DERPC: variants seen among roughly 807,000 people sequenced by gnomAD.
The protein encoded by DERPC is DERPC proline and glycine rich nuclear protein.
DERPC carries 1 observed loss-of-function variant against 7.2 expected under a neutral mutation model. The observed-to-expected ratio is 0.14, with a 90% CI of 0.05 to 0.66. The LOEUF is 0.66. Among genes scored for constraint, DERPC ranks in the 30% least tolerant of loss-of-function variants. DERPC has a pLI of 0.84. For missense variants in DERPC, 502 were observed against 299.4 expected, an observed-to-expected ratio of 1.68 and a Z score of -4.99; for synonymous variants, 185 against 117.6, an observed-to-expected ratio of 1.57 and a Z score of -3.71.
Position 69,118,720 on chromosome 16 carries a change from G to A in DERPC, c.*134C>T, listed in dbSNP as rs996353940. The A allele has an allele frequency of 2.0e-5, 13 of 645,012 alleles. No homozygotes were observed. Among genetic ancestry groups the A allele is most frequent in the African/African-American group, 3.6e-5 (2 of 55,116 alleles). 40.0% of individuals were successfully genotyped at this position (645,012 alleles called of 1,614,324 possible). ...AGTCAAGAAAAACGCAAAGGAAAAA[G>A]ATGGCTCATTTGAACTTGAGCCCAA... On this transcript the variant is annotated 3_prime_UTR_variant, in exon 3 of 3. Coordinates refer to ENST00000519520, the MANE Select transcript of DERPC (RefSeq NM_001002847.4).
At chr16:69,131,710 G>A (rs976566801) in intron 1 of DERPC, among the ~76,000 whole-genome samples, 17 of 150,084 alleles carry the variant, frequency 1.1e-4, no homozygotes, top group African/African-American at 4.2e-4. Flanking sequence ...CCACTGGAGT[G>A]GTCTTCCAAA....
intron 1 of DERPC, among the ~76,000 whole-genome samples, chr16:69,126,846 C>A (rs1479382919): frequency 1.3e-5 from 2 of 152,210 alleles, no homozygotes; most frequent in African/African-American, 4.8e-5. Flanking sequence ...CTACTCCACA[C>A]AACTGTTTCT....
chr16:69,118,429 C>G lies in DERPC; in HGVS notation c.*425G>C. ...AGGTCAGAGCTACGGAAGCATGGTC[C>G]GTTCACCAACGCCACGTTTCTAGAG... On this transcript the variant is annotated 3_prime_UTR_variant, in exon 3 of 3. Transcript: ENST00000519520. The G allele has an allele frequency of 6.2e-7, 1 of 1,612,042 alleles. No homozygotes were observed.
At chr16:69,128,748 C>T in intron 1 of DERPC, among the ~76,000 whole-genome samples, 1 of 152,004 alleles carries the variant, frequency 6.6e-6, no homozygotes, top group East Asian at 1.9e-4. Flanking sequence ...GCTTCTCTCT[C>T]TCTTTTGAAA....
chr16:69,120,907 A>G lies in DERPC; in HGVS notation c.-221-258T>C, dbSNP rs1299900885. 2 of 810,080 alleles carry G rather than the reference A, an allele frequency of 2.5e-6. No individual in the cohort carries two copies. The highest frequency in any genetic ancestry group is 1.7e-5 in the African/African-American group (1 of 59,606). 50.2% of individuals were successfully genotyped at this position (810,080 alleles called of 1,614,324 possible). On this transcript the variant is annotated intron_variant, in intron 2 of 2. Transcript: ENST00000519520. This position sits in a 1 kb window ranked among gnomAD's most constrained non-coding sequence, Gnocchi z 4.0. ...TAAATTTCCCTGCTACTGCAGAGGTAGGGGGAGAACAAGCAGAGAGCATCG... is the reference window on the plus strand; with the variant it reads ...TAAATTTCCCTGCTACTGCAGAGGTGGGGGGAGAACAAGCAGAGAGCATCG...
intron 1 of DERPC, among the ~76,000 whole-genome samples, chr16:69,122,345 G>A (rs936994259): frequency 6.6e-6 from 1 of 151,500 alleles, no homozygotes; most frequent in Non-Finnish European, 1.5e-5. Context: ...CTATGCTGAT[G>A]TGCCTTTCTT....
intron 1 of DERPC, among the ~76,000 whole-genome samples, chr16:69,127,311 G>A (rs1962140434): frequency 6.6e-6 from 1 of 150,622 alleles, no homozygotes; most frequent in South Asian, 2.1e-4. Context: ...GACAGAGTGA[G>A]TAGAAAAAAG....
At chr16:69,132,363 C>A in intron 1 of DERPC, 121 bp downstream of exon 1, 1 of 151,652 alleles carries the variant, frequency 6.6e-6, no homozygotes, top group Non-Finnish European at 1.4e-5. Flanking sequence ...TTCTTCTCTC[C>A]GAGCCGCGCG....
At chr16:69,121,733 T>C (rs1961684967) in intron 1 of DERPC, among the ~76,000 whole-genome samples, 1 of 150,480 alleles carries the variant, frequency 6.6e-6, no homozygotes, top group African/African-American at 2.5e-5. Flanking sequence ...AATGGCACGA[T>C]CTCAGCTCAC....
chr16:69,127,108 G>T (rs1332462116), intron 1 of DERPC, among the ~76,000 whole-genome samples: 4 of 151,974 alleles, frequency 2.6e-5, no homozygotes, highest in Admixed American at 1.3e-4. Flanking sequence ...CGTGGTGGCG[G>T]GTGCCTGTAA....
chr16:69,131,988 C>G (rs1962563452), intron 1 of DERPC: 2 of 152,894 alleles, frequency 1.3e-5, no homozygotes. Context: ...CCCCTTTCTG[C>G]TCTTCCCGCT....
rs759649969 is a variant in DERPC at position 69,120,048 on chromosome 16, GGGGCCTGGGCCT to G, written c.369_380del (p.Gly124_Pro127del). On this transcript the variant is annotated inframe_deletion, in exon 3 of 3. Coordinates refer to ENST00000519520, the MANE Select transcript of DERPC (RefSeq NM_001002847.4). This position sits in a 1 kb window ranked among gnomAD's most constrained non-coding sequence, Gnocchi z 4.0. The stretch of plus-strand genomic sequence containing the variant: ...GAGCCCCTGTCCTAGGGTTTAGGGT[GGGGCCTGGGCCT>G]GGGCCTGGCCCCAAGAGGCCACCAG... 2.9e-6 allele frequency: 2 copies of G among 689,234 alleles called. No individual in the cohort carries two copies. The highest frequency in any genetic ancestry group is 1.5e-5 in the South Asian group (1 of 66,404). 42.7% of individuals were successfully genotyped at this position (689,234 alleles called of 1,614,324 possible). A position where few individuals can be genotyped will look rare whatever the true frequency, so the allele number is the denominator to read the frequency against.
At chr16:69,132,182 C>CT (rs1262120312) in intron 1 of DERPC, 1 of 154,172 alleles carries the variant, frequency 6.5e-6, no homozygotes, top group Admixed American at 6.6e-5. Flanking sequence ...CGCTCGCTCC[C>CT]TTCCTTCCCT....
Position 69,120,562 on chromosome 16 carries a change from T to C in DERPC, c.-134A>G, listed in dbSNP as rs1465393503. ...TCATCACAGTCCTGATCCCCAGGAG[T>C]GTGTTTGACAAGGACTGCAAAAGGT... On this transcript the variant is annotated 5_prime_UTR_variant, in exon 3 of 3. Coordinates refer to ENST00000519520, the MANE Select transcript of DERPC (RefSeq NM_001002847.4). The surrounding 1 kb of genome is among the most constrained non-coding windows in gnomAD (Gnocchi z 4.0). The C allele has an allele frequency of 2.4e-5, 38 of 1,613,636 alleles. No individual in the cohort carries two copies. Among genetic ancestry groups the C allele is most frequent in the Non-Finnish European group, 3.1e-5 (37 of 1,179,916 alleles).
chr16:69,121,514 A>G, intron 1 of DERPC, 21 bp from the exon 2 acceptor site: 15 of 1,453,152 alleles, frequency 1.0e-5, no homozygotes, highest in Non-Finnish European at 1.4e-5. Context: ...AAAAAAAGAG[A>G]TTTAGGGTAA....
chr16:69,127,601 CTTT>C (rs71383961), intron 1 of DERPC, among the ~76,000 whole-genome samples: 1 of 104,390 alleles, frequency 9.6e-6, no homozygotes, highest in African/African-American at 3.8e-5. Context: ...CTCCCGGCAA[CTTT>C]TTTTTTTTTT....
At chr16:69,131,056 AG>A (rs1192960391) in intron 1 of DERPC, among the ~76,000 whole-genome samples, 2 of 152,212 alleles carry the variant, frequency 1.3e-5, no homozygotes, top group Non-Finnish European at 2.9e-5. Context: ...TGAAGGGGAC[AG>A]GTCTATACTT....
intron 1 of DERPC, among the ~76,000 whole-genome samples, chr16:69,125,982 C>T (rs1459934800): frequency 6.6e-6 from 1 of 152,186 alleles, no homozygotes; most frequent in East Asian, 1.9e-4. Flanking sequence ...ATAAGAAAAT[C>T]AGCATTCTGA....
Position 69,118,682 on chromosome 16 carries a change from A to ACAT in DERPC, c.*169_*171dup. 2 of 670,546 alleles carry ACAT rather than the reference A, an allele frequency of 3.0e-6. No homozygotes were observed. Among genetic ancestry groups the ACAT allele is most frequent in the Non-Finnish European group, 2.7e-6 (1 of 370,042 alleles). 41.5% of individuals were successfully genotyped at this position (670,546 alleles called of 1,614,324 possible). On this transcript the variant is annotated 3_prime_UTR_variant, in exon 3 of 3. Coordinates refer to ENST00000519520, the MANE Select transcript of DERPC (RefSeq NM_001002847.4). ...TGCCACAGTTCACATGCCACAAATA[A>ACAT]CATCTCACCTTCAGTCAAGAAAAAC... is the stretch of plus-strand genomic sequence containing the variant.
Sources: allele counts gnomAD v4.1 joint callset (sites outside exome capture counted in the v4.1 genomes callset), GRCh38; gene constraint gnomAD v4.1.1; non-coding constraint Gnocchi (gnomAD v3.1); transcripts MANE v1.5; gene names NCBI Gene and HGNC (gene_info 2026-07-23, HGNC 2026-07-21).